The following NDUFB3 variants were observed in gnomAD, a reference collection of about 807,000 sequenced individuals.
NDUFB3 encodes NADH:ubiquinone oxidoreductase subunit B3, also known as NADH dehydrogenase [ubiquinone] 1 beta subcomplex subunit 3.
A neutral mutation model predicts 9.0 loss-of-function variants in NDUFB3; 7 were observed. That is an observed-to-expected ratio of 0.78 (90% CI 0.44 to 1.46). NDUFB3 has a LOEUF of 1.46. Ranked by LOEUF, NDUFB3 falls within the 40% of genes most tolerant of loss-of-function variation. NDUFB3 has a pLI of 0.01. For synonymous variants in NDUFB3, 29 were observed against 38.5 expected, an observed-to-expected ratio of 0.75 and a Z score of 0.91; for missense variants, 93 against 115.4, an observed-to-expected ratio of 0.81 and a Z score of 0.89.
rs556179825 is a variant in NDUFB3 at position 201,078,287 on chromosome 2, G to C, written c.-2-594G>C. On this transcript the variant is annotated intron_variant, in intron 1 of 2. Coordinates refer to ENST00000237889, the MANE Select transcript of NDUFB3 (RefSeq NM_002491.3). ...ACTGCACTCCAGCCTGAGCGACAGA[G>C]CGAGACGCCGTCTCAAAAAATAAGA... 1.4e-4 allele frequency among the ~76,000 whole-genome samples: 21 copies of C among 152,110 alleles called. 1 individual carries two copies. Among genetic ancestry groups the C allele is most frequent in the African/African-American group, 5.1e-4 (21 of 41,472 alleles).
At chr2:201,081,308 C>A (rs948927153) in intron 2 of NDUFB3, among the ~76,000 whole-genome samples, 1 of 151,668 alleles carries the variant, frequency 6.6e-6, no homozygotes, top group East Asian at 2.0e-4. Context: ...ACATGGGAAA[C>A]CCTGTCTCTA....
intron 2 of NDUFB3, among the ~76,000 whole-genome samples, chr2:201,083,457 C>T (rs759900376): frequency 6.7e-5 from 10 of 150,336 alleles, no homozygotes; most frequent in African/African-American, 2.0e-4. Context: ...CAGGTTCAAG[C>T]GATTCTCCTG....
chr2:201,079,005 A>G lies in NDUFB3; in HGVS notation c.123A>G (p.Leu41=), dbSNP rs761360526. The G allele has an allele frequency of 1.9e-6, 3 of 1,612,306 alleles. No homozygotes were observed. The highest frequency in any genetic ancestry group is 1.1e-5 in the South Asian group (1 of 90,602). Reference sequence around the variant, plus strand: ...AGAAGAAGCTGGCTGCAAAAGGGCTAAGGGATCCATGGGGCCGGTAAGATG... The same window carrying G: ...AGAAGAAGCTGGCTGCAAAAGGGCTGAGGGATCCATGGGGCCGGTAAGATG... ...TIQKKLAAKG[L]RDPWGRNEAW... The change falls in exon 2 of 3, where the codon CTA becomes CTG. Residue 41 remains leucine, a synonymous_variant. Transcript: ENST00000237889.
At chr2:201,082,553 C>T (rs905712574) in intron 2 of NDUFB3, among the ~76,000 whole-genome samples, 5 of 152,140 alleles carry the variant, frequency 3.3e-5, no homozygotes, top group African/African-American at 1.2e-4. Flanking sequence ...ATCTGAGCTA[C>T]AGCACCCAGC....
intron 1 of NDUFB3, among the ~76,000 whole-genome samples, chr2:201,074,265 T>C (rs1266957439): frequency 9.2e-5 from 14 of 151,928 alleles, no homozygotes; most frequent in Admixed American, 9.2e-4. Context: ...CAAAGACACA[T>C]TAATATTTTC....
chr2:201,079,235 C>A (rs1298199790), intron 2 of NDUFB3, among the ~76,000 whole-genome samples: 1 of 151,370 alleles, frequency 6.6e-6, no homozygotes, highest in African/African-American at 2.4e-5. Context: ...GCCTCCGCCA[C>A]CCGGGTTCAA....
intron 1 of NDUFB3, among the ~76,000 whole-genome samples, chr2:201,072,521 CA>C (rs1216113537): frequency 6.6e-6 from 1 of 152,078 alleles, no homozygotes; most frequent in East Asian, 1.9e-4. Context: ...GAAAGGATAC[CA>C]GCACATTTTC....
chr2:201,079,052 T>G, intron 2 of NDUFB3, 30 bp downstream of exon 2: 3 of 1,591,830 alleles, frequency 1.9e-6, no homozygotes, highest in Non-Finnish European at 2.6e-6. Context: ...TTAGATAGAA[T>G]GTATCCTAGA....
chr2:201,081,027 G>T (rs2047216216), intron 2 of NDUFB3, among the ~76,000 whole-genome samples: 1 of 151,898 alleles, frequency 6.6e-6, no homozygotes, highest in South Asian at 2.1e-4. Flanking sequence ...GTAAAAAATT[G>T]TTTTAGCTAT....
At chr2:201,078,818 A>C in intron 1 of NDUFB3, 63 bp from the exon 2 acceptor site, 1 of 1,457,546 alleles carries the variant, frequency 6.9e-7, no homozygotes, top group Non-Finnish European at 9.3e-7. Flanking sequence ...ATAAACAATA[A>C]ATTTGGGTAT....
At chr2:201,081,671 C>CA (rs903806176) in intron 2 of NDUFB3, among the ~76,000 whole-genome samples, 1 of 151,272 alleles carries the variant, frequency 6.6e-6, no homozygotes, top group African/African-American at 2.4e-5. Flanking sequence ...TTCTGGGAGA[C>CA]AGAGTCTCAC....
intron 1 of NDUFB3, among the ~76,000 whole-genome samples, chr2:201,073,603 C>T (rs924713771): frequency 6.6e-5 from 10 of 152,040 alleles, no homozygotes; most frequent in Non-Finnish European, 1.5e-4. Context: ...CCAGTCTCTA[C>T]TAAAAGTACA....
chr2:201,074,851 T>G (rs1011828408), intron 1 of NDUFB3, among the ~76,000 whole-genome samples: 1 of 152,164 alleles, frequency 6.6e-6, no homozygotes, highest in Non-Finnish European at 1.5e-5. Flanking sequence ...CACATCACAA[T>G]GTGTTTTCCT....
intron 1 of NDUFB3, among the ~76,000 whole-genome samples, chr2:201,077,513 T>G (rs1038081844): frequency 6.6e-5 from 10 of 152,210 alleles, no homozygotes; most frequent in Admixed American, 3.3e-4. Flanking sequence ...ATCGGCAAAC[T>G]GCAGCCTGTG....
At chr2:201,076,591 A>C (rs373324304) in intron 1 of NDUFB3, among the ~76,000 whole-genome samples, 1 of 150,734 alleles carries the variant, frequency 6.6e-6, no homozygotes, top group East Asian at 1.9e-4. Flanking sequence ...GGTTTTTCAC[A>C]GTTAGTATGT....
chr2:201,082,106 G>A (rs112065557), intron 2 of NDUFB3, among the ~76,000 whole-genome samples: 2,843 of 151,752 alleles, frequency 0.019, 34 homozygotes, highest in African/African-American at 0.028. Context: ...ATGAGCCACC[G>A]CGCCAGGCCT....
chr2:201,072,707 A>G (rs1400225266), intron 1 of NDUFB3, among the ~76,000 whole-genome samples: 7 of 152,172 alleles, frequency 4.6e-5, no homozygotes, highest in Non-Finnish European at 1.0e-4. Context: ...TTCAGTCCTC[A>G]GCACAATTTA....
intron 1 of NDUFB3, among the ~76,000 whole-genome samples, chr2:201,076,734 C>T (rs2047168457): frequency 6.6e-6 from 1 of 151,680 alleles, no homozygotes; most frequent in Non-Finnish European, 1.5e-5. Context: ...ATTCTCATCC[C>T]TCAGCCTCCC....
intron 1 of NDUFB3, among the ~76,000 whole-genome samples, chr2:201,076,872 G>C (rs980826314): frequency 1.2e-4 from 19 of 152,008 alleles, no homozygotes; most frequent in African/African-American, 4.3e-4. Flanking sequence ...AGGCGGAGGC[G>C]GGCAGATCAC....
Sources: allele counts gnomAD v4.1 joint callset (sites outside exome capture counted in the v4.1 genomes callset), GRCh38; gene constraint gnomAD v4.1.1; transcripts MANE v1.5; gene names NCBI Gene and HGNC (gene_info 2026-07-23, HGNC 2026-07-21).